SLC12A6: variants seen among roughly 807,000 people sequenced by gnomAD.
SLC12A6 encodes the protein K-Cl cotransporter 3.
Under a neutral mutation model 135.3 loss-of-function variants are expected in SLC12A6, and 66 were observed. The observed-to-expected ratio is 0.49, with a 90% CI of 0.40 to 0.60. The LOEUF (loss-of-function observed/expected upper bound fraction) is 0.60, where lower values mean the gene tolerates loss of function less well. SLC12A6 is among the 20% of genes least tolerant of loss of function. The probability of loss-of-function intolerance (pLI) is 0.00; values close to 1 mark genes in which losing one functional copy is unlikely to be tolerated. For missense variants in SLC12A6, 1,058 were observed against 1,452.3 expected (o/e 0.73, Z 4.41); for synonymous variants, 513 against 508.8 (o/e 1.01, Z -0.11).
At chr15:34,313,379 C>T (rs1888400082) in intron 2 of SLC12A6, among the ~76,000 whole-genome samples, 2 of 152,182 alleles carry the variant, frequency 1.3e-5, no homozygotes, top group South Asian at 4.1e-4. Flanking sequence ...TTCCAATATG[C>T]AAAAACCTAA....
At chr15:34,288,300 T>A (rs1006664556) in intron 2 of SLC12A6, among the ~76,000 whole-genome samples, 1 of 152,146 alleles carries the variant, frequency 6.6e-6, no homozygotes, top group Non-Finnish European at 1.5e-5. Flanking sequence ...GGTAGATGTG[T>A]GGTGTTATTT....
chr15:34,266,549 C>G (rs558905907), intron 3 of SLC12A6, among the ~76,000 whole-genome samples: 1 of 152,154 alleles, frequency 6.6e-6, no homozygotes, highest in Non-Finnish European at 1.5e-5. Flanking sequence ...CCAAGAGATC[C>G]TCCCACCTCA....
At chr15:34,294,934 C>T (rs1005191799) in intron 2 of SLC12A6, among the ~76,000 whole-genome samples, 14 of 152,154 alleles carry the variant, frequency 9.2e-5, no homozygotes, top group African/African-American at 3.1e-4. Flanking sequence ...ATTCATATTA[C>T]ATCAATTTGT....
chr15:34,235,406 T>C, intron 24 of SLC12A6, 92 bp from the exon 25 acceptor site: 1 of 999,596 alleles, frequency 1.0e-6, no homozygotes, highest in Non-Finnish European at 1.6e-6. Context: ...CTTTTTCACT[T>C]GACTATGGAT....
intron 2 of SLC12A6, among the ~76,000 whole-genome samples, chr15:34,320,505 G>A (rs74803636): frequency 0.15 from 22,708 of 151,480 alleles, 2,946 homozygotes; most frequent in African/African-American, 0.35. Context: ...GGGGGAAGGA[G>A]GATTAAAGAG....
At chr15:34,237,303 T>G in intron 22 of SLC12A6, 116 bp downstream of exon 22, 1 of 796,546 alleles carries the variant, frequency 1.3e-6, no homozygotes, top group Non-Finnish European at 2.0e-6. Flanking sequence ...TTTTTGGCAC[T>G]AGGGGATTAA....
At chr15:34,301,078 C>A (rs533174360) in intron 2 of SLC12A6, among the ~76,000 whole-genome samples, 1 of 152,178 alleles carries the variant, frequency 6.6e-6, no homozygotes, top group Non-Finnish European at 1.5e-5. Context: ...AAGCGATTCT[C>A]CTGTCTCAGC....
At chr15:34,326,829 C>A (rs1204422701) in intron 2 of SLC12A6, among the ~76,000 whole-genome samples, 1 of 139,314 alleles carries the variant, frequency 7.2e-6, no homozygotes, top group Admixed American at 7.2e-5. Flanking sequence ...GTAGCTGGGA[C>A]TACAGGTGCA....
chr15:34,262,182 G>C (rs1053234094), intron 3 of SLC12A6, among the ~76,000 whole-genome samples: 3 of 152,084 alleles, frequency 2.0e-5, no homozygotes, highest in African/African-American at 7.2e-5. Context: ...TCCTCTAATT[G>C]ATTCTCCACT....
chr15:34,288,815 G>A (rs1198315537), intron 2 of SLC12A6, among the ~76,000 whole-genome samples: 1 of 152,170 alleles, frequency 6.6e-6, no homozygotes, highest in Non-Finnish European at 1.5e-5. Flanking sequence ...GAATGCCTGT[G>A]ATTTCTGCAC....
At chr15:34,298,050 T>C (rs117653165) in intron 2 of SLC12A6, among the ~76,000 whole-genome samples, 87 of 152,308 alleles carry the variant, frequency 5.7e-4, no homozygotes, top group Non-Finnish European at 9.0e-4. Context: ...ATGCCTACTA[T>C]ATGTCAGGTA....
chr15:34,332,956 G>C (rs1889953490), intron 2 of SLC12A6, among the ~76,000 whole-genome samples: 1 of 152,030 alleles, frequency 6.6e-6, no homozygotes, highest in African/African-American at 2.4e-5. Context: ...CTTCAGTCTT[G>C]GCTTTGCCAC....
chr15:34,312,927 C>T (rs1004448599), intron 2 of SLC12A6, among the ~76,000 whole-genome samples: 2 of 152,152 alleles, frequency 1.3e-5, no homozygotes, highest in African/African-American at 4.8e-5. Context: ...TGTTTTGGGG[C>T]ACCATGAACT....
rs770774190 is a variant in SLC12A6 at position 34,243,376 on chromosome 15, T to C, written c.2042+598A>G. 3.4e-4 allele frequency among the ~76,000 whole-genome samples: 52 copies of C among 152,082 alleles called. 1 individual carries two copies. Among genetic ancestry groups the C allele is most frequent in the Non-Finnish European group, 3.4e-4 (23 of 68,014 alleles). ...TGTAGCAACGGGTACATACAGGACA[T>C]AATTAATGAGCTCTGAGCTATAAGA... On this transcript the variant is annotated intron_variant, in intron 16 of 25. Transcript: ENST00000354181.
chr15:34,287,498 T>C (rs1203150575), intron 2 of SLC12A6, among the ~76,000 whole-genome samples: 1 of 152,242 alleles, frequency 6.6e-6, no homozygotes, highest in African/African-American at 2.4e-5. Context: ...TGCCCAGTAA[T>C]GGGATTGCTG....
chr15:34,265,416 C>CAAAAAAAAAAAAAAAA (rs1035614224), intron 3 of SLC12A6, among the ~76,000 whole-genome samples: 6 of 103,662 alleles, frequency 5.8e-5, no homozygotes, highest in African/African-American at 2.1e-4. Context: ...AAAAAAAAAA[C>CAAAAAAAAAAAAAAAA]AAACAAAAAA....
At chr15:34,261,566 G>T (rs1373890626) in intron 3 of SLC12A6, among the ~76,000 whole-genome samples, 2 of 152,164 alleles carry the variant, frequency 1.3e-5, no homozygotes, top group Non-Finnish European at 2.9e-5. Flanking sequence ...CCAAAGTGCT[G>T]GGATTACAGG....
intron 16 of SLC12A6, 102 bp from the exon 17 acceptor site, chr15:34,242,323 A>G (rs1238210708): frequency 2.4e-6 from 2 of 820,146 alleles, no homozygotes; most frequent in African/African-American, 3.5e-5. Context: ...TTATTTTTTA[A>G]AAACTTTGAA....
At chr15:34,281,392 A>C (rs933933130) in intron 2 of SLC12A6, among the ~76,000 whole-genome samples, 2 of 152,336 alleles carry the variant, frequency 1.3e-5, no homozygotes, top group East Asian at 1.9e-4. Context: ...AAGTTGAACT[A>C]AGTCAAAATC....
Sources: allele counts gnomAD v4.1 joint callset (sites outside exome capture counted in the v4.1 genomes callset), GRCh38; gene constraint gnomAD v4.1.1; transcripts MANE v1.5; gene names NCBI Gene and HGNC (gene_info 2026-07-23, HGNC 2026-07-21).